Variants in TENM2 observed in about 807,000 individuals in gnomAD.
TENM2 encodes teneurin transmembrane protein 2.
TENM2 carries 52 observed loss-of-function variants against 245.2 expected under a neutral mutation model. The ratio of observed to expected loss-of-function variants is 0.21; its 90% CI spans 0.17 to 0.27. The LOEUF (loss-of-function observed/expected upper bound fraction) is 0.27, where lower values mean the gene tolerates loss of function less well. Ranked by LOEUF, TENM2 falls within the 10% of genes least tolerant of loss-of-function variation. TENM2 has a pLI of 1.00. For missense variants in TENM2, 3,046 were observed against 3,666.8 expected (o/e 0.83, Z 4.37); for synonymous variants, 1,363 against 1,438.9 (o/e 0.95, Z 1.19).
chr5:167,339,224 G>C (rs1251993351), intron 1 of TENM2, among the ~76,000 whole-genome samples: 1 of 152,168 alleles, frequency 6.6e-6, no homozygotes, highest in East Asian at 1.9e-4. Context: ...CTCTCCTGCT[G>C]TAACACTGTG....
intron 2 of TENM2, among the ~76,000 whole-genome samples, chr5:167,391,682 T>C (rs1448128356): frequency 6.8e-6 from 1 of 146,760 alleles, no homozygotes; most frequent in Non-Finnish European, 1.5e-5. Flanking sequence ...AGCCACTGGA[T>C]GGATTCCTAA....
chr5:168,218,745 A>G lies in TENM2; in HGVS notation c.4854A>G (p.Thr1618=), dbSNP rs754354644. 3 of 1,614,036 alleles carry G rather than the reference A, an allele frequency of 1.9e-6. No homozygotes were observed. The highest frequency in any genetic ancestry group is 2.5e-6 in the Non-Finnish European group (3 of 1,179,898). Residue 1618 remains threonine (T), a synonymous_variant, in exon 23 of 29, where the codon ACA becomes ACG. Transcript: ENST00000518659. The surrounding 1 kb of genome is among the most constrained non-coding windows in gnomAD (Gnocchi z 5.2). ...CAGGGGAGTACTTGTACAATTTCACATATAGTACTGACAATGATGTCACTG... is the reference window on the plus strand; with the variant it reads ...CAGGGGAGTACTTGTACAATTTCACGTATAGTACTGACAATGATGTCACTG...
At chr5:167,396,474 GT>G (rs1326756763) in intron 2 of TENM2, among the ~76,000 whole-genome samples, 1 of 152,118 alleles carries the variant, frequency 6.6e-6, no homozygotes, top group Non-Finnish European at 1.5e-5. Flanking sequence ...AAAATGGGAA[GT>G]TGTTGATTAA....
chr5:168,028,832 T>C (rs964959644), intron 5 of TENM2, among the ~76,000 whole-genome samples: 3 of 148,738 alleles, frequency 2.0e-5, no homozygotes, highest in Admixed American at 6.7e-5. Flanking sequence ...GCTTGTGACC[T>C]CAGCTGAGCC....
At chr5:168,107,985 A>G (rs975092813) in intron 9 of TENM2, among the ~76,000 whole-genome samples, 1 of 151,918 alleles carries the variant, frequency 6.6e-6, no homozygotes, top group African/African-American at 2.4e-5. Context: ...TCCCCTTTGT[A>G]CCTCCCTGTA....
At chr5:167,557,002 G>A (rs1379766891) in intron 2 of TENM2, among the ~76,000 whole-genome samples, 5 of 152,152 alleles carry the variant, frequency 3.3e-5, no homozygotes, top group African/African-American at 1.2e-4. Flanking sequence ...TATTTAAAAT[G>A]TTAAGTTTTT....
chr5:167,066,059 G>T, the TENM2 span, among the ~76,000 whole-genome samples: 1 of 152,036 alleles, frequency 6.6e-6, no homozygotes, highest in Non-Finnish European at 1.5e-5. Flanking sequence ...ACTCTCCCTG[G>T]GTGGTGTGAG....
the TENM2 span, among the ~76,000 whole-genome samples, chr5:167,047,848 TA>T: frequency 6.6e-6 from 1 of 152,122 alleles, no homozygotes; most frequent in African/African-American, 2.4e-5. Flanking sequence ...AGAGAACTAC[TA>T]CATCAGGGAA....
chr5:167,958,911 C>T (rs1023376136), intron 4 of TENM2, among the ~76,000 whole-genome samples: 4 of 152,136 alleles, frequency 2.6e-5, no homozygotes, highest in Non-Finnish European at 1.5e-5. Context: ...CTGCCCTTAA[C>T]ATTTTTTCCT....
At chr5:167,672,300 C>T (rs1756008168) in intron 2 of TENM2, among the ~76,000 whole-genome samples, 1 of 151,822 alleles carries the variant, frequency 6.6e-6, no homozygotes, top group African/African-American at 2.4e-5. Context: ...TATATACACA[C>T]ATATATATAC....
At chr5:168,071,278 CTAT>C (rs1790993750) in intron 7 of TENM2, among the ~76,000 whole-genome samples, 1 of 152,122 alleles carries the variant, frequency 6.6e-6, no homozygotes, top group Non-Finnish European at 1.5e-5. Context: ...ATGGTGTAAG[CTAT>C]TATTATTATG....
the TENM2 span, among the ~76,000 whole-genome samples, chr5:167,254,617 A>G: frequency 2.0e-5 from 3 of 152,302 alleles, no homozygotes; most frequent in South Asian, 6.2e-4. Flanking sequence ...AGAAAGGAGG[A>G]GGAATCTTGA....
chr5:167,804,515 TG>T (rs1345375031), intron 2 of TENM2, among the ~76,000 whole-genome samples: 2 of 152,166 alleles, frequency 1.3e-5, no homozygotes, highest in Non-Finnish European at 2.9e-5. Flanking sequence ...CTCTGCTCTT[TG>T]TTGACTATAT....
intron 2 of TENM2, among the ~76,000 whole-genome samples, chr5:167,646,940 C>T (rs1780008456): frequency 6.6e-6 from 1 of 152,074 alleles, no homozygotes; most frequent in South Asian, 2.1e-4. Flanking sequence ...AAGGAGAGAA[C>T]GCAGCAATTG....
At chr5:168,215,352 CTA>C in intron 21 of TENM2, 80 bp downstream of exon 23, 1 of 1,134,606 alleles carries the variant, frequency 8.8e-7, no homozygotes, top group Non-Finnish European at 1.3e-6. Flanking sequence ...CAGAACTTAA[CTA>C]AGTCCAGCAG....
chr5:167,556,056 T>C (rs1056572999), intron 2 of TENM2, among the ~76,000 whole-genome samples: 6 of 152,180 alleles, frequency 3.9e-5, no homozygotes, highest in African/African-American at 1.4e-4. Context: ...ATGAACATGT[T>C]AAATATTTTC....
At chr5:167,084,127 T>G in the TENM2 span, among the ~76,000 whole-genome samples, 144 of 151,568 alleles carry the variant, frequency 9.5e-4, no homozygotes, top group Admixed American at 6.8e-3. Flanking sequence ...ACATTTTTTT[T>G]TTGTTATAGA....
At chr5:167,705,993 T>TATATATA (rs1561690712) in intron 2 of TENM2, among the ~76,000 whole-genome samples, 5 of 66,492 alleles carry the variant, frequency 7.5e-5, no homozygotes, top group African/African-American at 1.4e-4. Flanking sequence ...ATATATATAT[T>TATATATA]TATTTATTTA....
intron 2 of TENM2, among the ~76,000 whole-genome samples, chr5:167,681,619 A>G (rs1364529695): frequency 1.7e-5 from 2 of 117,704 alleles, no homozygotes; most frequent in Non-Finnish European, 1.6e-5. Flanking sequence ...CTAGCTATGT[A>G]TTTGTTTATA....
Sources: allele counts gnomAD v4.1 joint callset (sites outside exome capture counted in the v4.1 genomes callset), GRCh38; gene constraint gnomAD v4.1.1; non-coding constraint Gnocchi (gnomAD v3.1); transcripts MANE v1.5; gene names NCBI Gene and HGNC (gene_info 2026-07-23, HGNC 2026-07-21).